Variants in RARB observed in about 807,000 individuals in gnomAD.
RARB encodes the protein retinoic acid receptor beta.
In RARB, 17 loss-of-function variants were observed where a neutral mutation model predicts 51.9. The ratio of observed to expected loss-of-function variants is 0.33; its 90% CI spans 0.22 to 0.49. The LOEUF is 0.49. Ranked by LOEUF, RARB falls within the 20% of genes least tolerant of loss-of-function variation. The probability of loss-of-function intolerance (pLI) is 0.99; values close to 1 mark genes in which losing one functional copy is unlikely to be tolerated. For missense variants in RARB, 369 were observed against 550.8 expected, an observed-to-expected ratio of 0.67 and a Z score of 3.30; for synonymous variants, 215 against 195.4, an observed-to-expected ratio of 1.10 and a Z score of -0.84.
chr3:24,934,678 CATAA>C (rs757173329), intron 2 of RARB, among the ~76,000 whole-genome samples: 11 of 151,892 alleles, frequency 7.2e-5, no homozygotes, highest in Admixed American at 2.0e-4. Flanking sequence ...TTTTTCTTCC[CATAA>C]ATAAATAAAT....
At chr3:25,170,335 C>A (rs150114451) in intron 4 of RARB, among the ~76,000 whole-genome samples, 1 of 152,120 alleles carries the variant, frequency 6.6e-6, no homozygotes, top group Non-Finnish European at 1.5e-5. Context: ...GCCAACCTCA[C>A]GTCTAGAGCT....
At position 25,179,421 on chromosome 3, in the gene RARB, A is replaced by G. The variant is rs17015907; in HGVS notation, c.178+4846A>G. Reference sequence around the variant, plus strand: ...TTATATTTGTCCTTAAACTTATGCAATGACTCTACTGGACAGGAATCACAT... The same window carrying G: ...TTATATTTGTCCTTAAACTTATGCAGTGACTCTACTGGACAGGAATCACAT... On this transcript the variant is annotated intron_variant, in intron 5 of 11. Coordinates refer to the RARB transcript ENST00000383772. Among the ~76,000 whole-genome samples the G allele has an allele frequency of 9.8e-3, 1,496 of 152,320 alleles. 20 individuals carry two copies. The highest frequency in any genetic ancestry group is 0.033 in the African/African-American group (1,387 of 41,566).
chr3:25,419,832 C>T (rs1707809430), intron 5 of RARB, among the ~76,000 whole-genome samples: 1 of 152,150 alleles, frequency 6.6e-6, no homozygotes, highest in Admixed American at 6.5e-5. Context: ...TTATGTGTTA[C>T]CTTACATTTT....
chr3:24,924,205 C>T (rs1695271982), intron 2 of RARB, among the ~76,000 whole-genome samples: 1 of 152,110 alleles, frequency 6.6e-6, no homozygotes, highest in Non-Finnish European at 1.5e-5. Context: ...CCTGAATGTC[C>T]TGAGGTATCT....
At chr3:24,871,733 T>C (rs1278482038) in intron 2 of RARB, among the ~76,000 whole-genome samples, 1 of 152,184 alleles carries the variant, frequency 6.6e-6, no homozygotes, top group Non-Finnish European at 1.5e-5. Flanking sequence ...TCCTTATCTC[T>C]CTTCTGAACA....
At chr3:25,136,904 C>T (rs1447000417) in intron 4 of RARB, among the ~76,000 whole-genome samples, 6 of 151,904 alleles carry the variant, frequency 3.9e-5, no homozygotes, top group Non-Finnish European at 7.4e-5. Flanking sequence ...GCAAGTTGGG[C>T]CAAGATTGTT....
chr3:25,533,311 C>A (rs1575494206), intron 3 of RARB, among the ~76,000 whole-genome samples: 2 of 152,206 alleles, frequency 1.3e-5, no homozygotes, highest in East Asian at 3.9e-4. Context: ...AATATGAAAT[C>A]CCATAGATAA....
chr3:25,151,068 T>G (rs1461336361), intron 4 of RARB, among the ~76,000 whole-genome samples: 3 of 152,228 alleles, frequency 2.0e-5, no homozygotes, highest in African/African-American at 7.2e-5. Context: ...TAGAGTGGCC[T>G]GGAAAACTCA....
chr3:25,282,370 A>T (rs767607254), intron 5 of RARB, among the ~76,000 whole-genome samples: 1 of 152,306 alleles, frequency 6.6e-6, no homozygotes, highest in Non-Finnish European at 1.5e-5. Flanking sequence ...TCATTCTTCA[A>T]ATGTCACCTT....
intron 3 of RARB, among the ~76,000 whole-genome samples, chr3:25,085,540 T>C (rs1446078581): frequency 6.6e-6 from 1 of 152,144 alleles, no homozygotes; most frequent in Non-Finnish European, 1.5e-5. Flanking sequence ...TAGGCTCTCA[T>C]CTGGCCCCTG....
chr3:25,051,848 G>A (rs941602857), intron 2 of RARB, among the ~76,000 whole-genome samples: 4 of 152,124 alleles, frequency 2.6e-5, no homozygotes, highest in Non-Finnish European at 5.9e-5. Context: ...ATCTTAAATG[G>A]ACTGTGAAAG....
intron 2 of RARB, among the ~76,000 whole-genome samples, chr3:24,863,279 C>A (rs929912835): frequency 6.6e-6 from 1 of 152,152 alleles, no homozygotes; most frequent in African/African-American, 2.4e-5. Flanking sequence ...ATGAACCAAC[C>A]GAGCTAACCA....
intron 4 of RARB, among the ~76,000 whole-genome samples, chr3:25,146,776 C>T (rs1189226235): frequency 6.6e-6 from 1 of 152,052 alleles, no homozygotes; most frequent in African/African-American, 2.4e-5. Flanking sequence ...ACCTTGGCCT[C>T]CCAAAGTGCT....
chr3:25,401,595 A>G (rs1357597621), intron 5 of RARB, among the ~76,000 whole-genome samples: 1 of 152,212 alleles, frequency 6.6e-6, no homozygotes, highest in Non-Finnish European at 1.5e-5. Flanking sequence ...TCAAATAGAA[A>G]TTTCAGAACT....
intron 1 of RARB, among the ~76,000 whole-genome samples, chr3:24,850,180 T>A (rs890659156): frequency 1.3e-5 from 2 of 152,134 alleles, no homozygotes; most frequent in African/African-American, 4.8e-5. Flanking sequence ...CCTAAACACA[T>A]CCCCAAAGCC....
At chr3:25,384,401 A>T (rs1706732779) in intron 5 of RARB, among the ~76,000 whole-genome samples, 2 of 152,220 alleles carry the variant, frequency 1.3e-5, no homozygotes, top group Non-Finnish European at 2.9e-5. Context: ...GTAGAATAAC[A>T]ATGAGAGTTG....
At chr3:25,426,494 C>T (rs935465326), upstream of RARB, among the ~76,000 whole-genome samples, 1 of 152,256 alleles carries the variant, frequency 6.6e-6, no homozygotes, top group African/African-American at 2.4e-5. Flanking sequence ...CTTAGCAACT[C>T]CACTAGACAG....
intron 2 of RARB, among the ~76,000 whole-genome samples, chr3:24,993,389 A>G (rs1044073786): frequency 6.6e-6 from 1 of 152,050 alleles, no homozygotes; most frequent in Admixed American, 6.6e-5. Context: ...ATAATTGGCT[A>G]TGGTTTAAAT....
At chr3:25,591,381 G>A (rs1310282108) in intron 5 of RARB, among the ~76,000 whole-genome samples, 3 of 152,190 alleles carry the variant, frequency 2.0e-5, no homozygotes, top group Non-Finnish European at 4.4e-5. Context: ...GTTATGTGCT[G>A]CACAAAAGTG....
Sources: gnomAD v4.1 joint callset for allele counts (sites outside exome capture counted in the v4.1 genomes callset) on GRCh38, gnomAD v4.1.1 for gene constraint, MANE v1.5 for transcripts, NCBI Gene and HGNC (gene_info 2026-07-23, HGNC 2026-07-21) for gene names.